Variants in EXOC5 observed in about 807,000 individuals in gnomAD.
EXOC5 encodes the protein exocyst complex component 5, also known as SEC10-like 1.
A neutral mutation model predicts 90.8 loss-of-function variants in EXOC5; 17 were observed. The ratio of observed to expected loss-of-function variants is 0.19; its 90% confidence interval spans 0.13 to 0.28. EXOC5 has a LOEUF of 0.28. Among genes scored for constraint, EXOC5 ranks in the 10% least tolerant of loss-of-function variants. The pLI is 1.00. For missense variants in EXOC5, 569 were observed against 830.6 expected, an observed-to-expected ratio of 0.69 and a Z score of 3.87; for synonymous variants, 260 against 270.0, an observed-to-expected ratio of 0.96 and a Z score of 0.36.
chr14:57,263,764 C>CA (rs1424790322), intron 1 of EXOC5, among the ~76,000 whole-genome samples: 63 of 126,822 alleles, frequency 5.0e-4, no homozygotes, highest in African/African-American at 1.8e-3. Context: ...AAAAAAAAAG[C>CA]AAAAAAACAA....
intron 13 of EXOC5, among the ~76,000 whole-genome samples, chr14:57,220,463 GA>G (rs1883095382): frequency 6.6e-6 from 1 of 151,982 alleles, no homozygotes; most frequent in Non-Finnish European, 1.5e-5. Flanking sequence ...AATAATTACA[GA>G]AAAACTGGCA....
chr14:57,244,145 T>C lies in EXOC5; in HGVS notation c.465+20A>G, dbSNP rs766532982. 3 of 1,570,244 alleles carry C rather than the reference T, an allele frequency of 1.9e-6. No individual in the cohort carries two copies. The highest frequency in any genetic ancestry group is 4.5e-5 in the East Asian group (2 of 44,682). On this transcript the variant is annotated intron_variant, in intron 4 of 17. Transcript: ENST00000621441. ...TGTTATTAATGCTGTGATTTGGTTT[T>C]ATCCTCTGACAGCACTTACCTTTTC...
chr14:57,243,387 T>C (rs1022675344), intron 4 of EXOC5: 2 of 152,228 alleles, frequency 1.3e-5, no homozygotes, highest in Non-Finnish European at 2.9e-5. Flanking sequence ...TGAGTGTCAA[T>C]AATACTTAGC....
intron 1 of EXOC5, among the ~76,000 whole-genome samples, chr14:57,255,288 A>C (rs1340871213): frequency 6.6e-6 from 1 of 152,168 alleles, no homozygotes; most frequent in African/African-American, 2.4e-5. Context: ...CAAGTTGACT[A>C]CACTGGGCCC....
chr14:57,249,004 G>C (rs1884107901), intron 1 of EXOC5, among the ~76,000 whole-genome samples: 1 of 152,064 alleles, frequency 6.6e-6, no homozygotes, highest in African/African-American at 2.4e-5. Context: ...GAGCTACTTA[G>C]AACTTTAGAA....
chr14:57,218,724 C>G (rs1261576713), intron 14 of EXOC5, among the ~76,000 whole-genome samples: 2 of 152,030 alleles, frequency 1.3e-5, no homozygotes, highest in Non-Finnish European at 2.9e-5. Flanking sequence ...CTCGGCATAT[C>G]AATGTTTACA....
chr14:57,254,884 TCTC>T (rs1884303778), intron 1 of EXOC5, among the ~76,000 whole-genome samples: 1 of 152,172 alleles, frequency 6.6e-6, no homozygotes, highest in African/African-American at 2.4e-5. Flanking sequence ...ATCTTGGACT[TCTC>T]AGCCCCCAGA....
chr14:57,240,377 G>A (rs1036563602), intron 4 of EXOC5, among the ~76,000 whole-genome samples: 3 of 152,180 alleles, frequency 2.0e-5, no homozygotes, highest in Admixed American at 1.3e-4. Flanking sequence ...CGCCTCCTGG[G>A]TTCAAGTGAT....
chr14:57,232,523 T>C, intron 10 of EXOC5, 144 bp downstream of exon 10: 1 of 467,730 alleles, frequency 2.1e-6, no homozygotes, highest in Non-Finnish European at 3.8e-6. Context: ...TTGTACAATA[T>C]AACTAGTCTA....
At chr14:57,230,453 A>C (rs1249376788) in intron 11 of EXOC5, among the ~76,000 whole-genome samples, 1 of 151,914 alleles carries the variant, frequency 6.6e-6, no homozygotes, top group Non-Finnish European at 1.5e-5. Flanking sequence ...ACAAACACAC[A>C]CACAAATTCC....
chr14:57,261,946 C>T (rs190096151), intron 1 of EXOC5, among the ~76,000 whole-genome samples: 1 of 152,288 alleles, frequency 6.6e-6, no homozygotes, highest in African/African-American at 2.4e-5. Flanking sequence ...GAACCTACTT[C>T]CTATGGGAGG....
intron 6 of EXOC5, 62 bp from the exon 7 acceptor site, chr14:57,235,882 T>A (rs934167955): frequency 9.0e-6 from 7 of 777,186 alleles, no homozygotes; most frequent in Non-Finnish European, 1.3e-5. Context: ...TTTAAGAGTA[T>A]CTACATTATT....
intron 1 of EXOC5, among the ~76,000 whole-genome samples, chr14:57,264,714 A>C (rs1284883939): frequency 2.0e-5 from 3 of 152,154 alleles, no homozygotes; most frequent in Admixed American, 2.0e-4. Flanking sequence ...CCAGTTCCAC[A>C]AACTCAAATC....
intron 15 of EXOC5, among the ~76,000 whole-genome samples, chr14:57,216,698 G>A (rs913626752): frequency 5.9e-5 from 9 of 151,970 alleles, no homozygotes; most frequent in Non-Finnish European, 1.3e-4. Flanking sequence ...AGAAGAAAAC[G>A]TAAGAAAAAA....
chr14:57,251,754 T>C (rs1243533768), intron 1 of EXOC5, among the ~76,000 whole-genome samples: 1 of 151,234 alleles, frequency 6.6e-6, no homozygotes, highest in Non-Finnish European at 1.5e-5. Context: ...AGGAAAAAAA[T>C]TAATGAAACC....
intron 1 of EXOC5, among the ~76,000 whole-genome samples, chr14:57,249,189 G>A (rs1385675956): frequency 6.6e-6 from 1 of 151,970 alleles, no homozygotes; most frequent in Non-Finnish European, 1.5e-5. Context: ...AAGTCTACAA[G>A]GTAGGTTCTA....
At chr14:57,263,046 T>C (rs1884562780) in intron 1 of EXOC5, among the ~76,000 whole-genome samples, 1 of 152,138 alleles carries the variant, frequency 6.6e-6, no homozygotes, top group African/African-American at 2.4e-5. Flanking sequence ...ATCCCTATTT[T>C]CCCAGCTAAC....
intron 3 of EXOC5, 131 bp from the exon 4 acceptor site, chr14:57,244,490 T>C: frequency 1.5e-6 from 1 of 684,652 alleles, no homozygotes; most frequent in Non-Finnish European, 2.5e-6. Context: ...TTCATGCTCA[T>C]TAGTGTGACA....
At chr14:57,260,887 C>T (rs1044743447) in intron 1 of EXOC5, among the ~76,000 whole-genome samples, 1 of 152,124 alleles carries the variant, frequency 6.6e-6, no homozygotes, top group African/African-American at 2.4e-5. Flanking sequence ...CTGCCATTAG[C>T]ATTTCAAATC....
Sources: gnomAD v4.1 joint callset for allele counts (sites outside exome capture counted in the v4.1 genomes callset) on GRCh38, gnomAD v4.1.1 for gene constraint, MANE v1.5 for transcripts, NCBI Gene and HGNC (gene_info 2026-07-23, HGNC 2026-07-21) for gene names.